The following SLC67A1 variants were observed in gnomAD, a reference collection of about 807,000 sequenced individuals.
The protein encoded by SLC67A1 is solute carrier family 67 member A1.
chr11:2,909,418 G>A, the SLC67A1 span: 43 of 1,478,266 alleles, frequency 2.9e-5, no homozygotes, highest in Middle Eastern at 2.4e-4. Flanking sequence ...CGGAGGACCC[G>A]GGACACCTCC....
At chr11:2,903,165 GGA>G in the SLC67A1 span, 1 of 1,426,706 alleles carries the variant, frequency 7.0e-7, no homozygotes, top group African/African-American at 1.4e-5. Context: ...CCAGGTAGCA[GGA>G]GAGCTCCACT....
At chr11:2,903,433 T>C in the SLC67A1 span, 1 of 1,613,152 alleles carries the variant, frequency 6.2e-7, no homozygotes, top group East Asian at 2.2e-5. Context: ...CTTGCTTACC[T>C]ACGTGCTGGC....
chr11:2,919,414 G>A, the SLC67A1 span: 28 of 1,604,826 alleles, frequency 1.7e-5, no homozygotes, highest in Admixed American at 4.0e-4. Context: ...GATGGTGAGT[G>A]GGCACACAGG....
At chr11:2,906,203 G>T in the SLC67A1 span, among the ~76,000 whole-genome samples, 1 of 152,192 alleles carries the variant, frequency 6.6e-6, no homozygotes, top group Non-Finnish European at 1.5e-5. Flanking sequence ...TGGCGATCAT[G>T]AAAAAGTCAG....
the SLC67A1 span, among the ~76,000 whole-genome samples, chr11:2,924,765 G>A: frequency 6.6e-6 from 1 of 152,272 alleles, no homozygotes; most frequent in African/African-American, 2.4e-5. This position sits in a 1 kb window ranked among gnomAD's most constrained non-coding sequence, Gnocchi z 8.6. Context: ...AGACCAGTGG[G>A]TAGAGAGAGC....
chr11:2,922,288 T>C, the SLC67A1 span: 51 of 1,510,020 alleles, frequency 3.4e-5, no homozygotes, highest in Non-Finnish European at 4.6e-5. Context: ...GCTTAAGCCC[T>C]TGGGGACTCC....
chr11:2,913,013 G>A, the SLC67A1 span, among the ~76,000 whole-genome samples: 10 of 152,190 alleles, frequency 6.6e-5, 1 homozygote, highest in South Asian at 4.1e-4. Context: ...GAGGGGAGGT[G>A]AGCAGTGTCC....
At chr11:2,909,466 G>T in the SLC67A1 span, 2 of 1,437,122 alleles carry the variant, frequency 1.4e-6, no homozygotes, top group African/African-American at 3.0e-5. Flanking sequence ...GGCCCTAAGG[G>T]CTGGACGGGG....
the SLC67A1 span, chr11:2,918,160 C>T: frequency 7.7e-7 from 1 of 1,302,120 alleles, no homozygotes; most frequent in Admixed American, 1.8e-5. Flanking sequence ...CGGCCAGGGC[C>T]CGGCCCTTCC....
At chr11:2,917,657 C>T in the SLC67A1 span, among the ~76,000 whole-genome samples, 1 of 152,246 alleles carries the variant, frequency 6.6e-6, no homozygotes, top group African/African-American at 2.4e-5. Flanking sequence ...AGCTATTGGT[C>T]CCTTGTTCAG....
At chr11:2,917,872 G>T in the SLC67A1 span, 1 of 715,940 alleles carries the variant, frequency 1.4e-6, no homozygotes. Context: ...GCCAAGGAAG[G>T]AAGCTTTACC....
the SLC67A1 span, chr11:2,902,155 G>A: frequency 6.6e-6 from 1 of 152,226 alleles, no homozygotes; most frequent in African/African-American, 2.4e-5. Flanking sequence ...CTCGGCCAGT[G>A]AGAGCGCAGA....
the SLC67A1 span, among the ~76,000 whole-genome samples, chr11:2,903,936 T>C: frequency 3.9e-5 from 6 of 152,216 alleles, no homozygotes; most frequent in Non-Finnish European, 8.8e-5. Context: ...GGGTCCTTGT[T>C]GTCCACTAAA....
chr11:2,916,885 C>G, the SLC67A1 span: 1 of 678,806 alleles, frequency 1.5e-6, no homozygotes, highest in Non-Finnish European at 2.6e-6. Flanking sequence ...TGAACCCTTC[C>G]CAGCTGCTGA....
the SLC67A1 span, chr11:2,909,731 C>A: frequency 7.5e-6 from 11 of 1,471,924 alleles, no homozygotes; most frequent in Admixed American, 2.4e-5. Flanking sequence ...GGGGCCGGGG[C>A]GGAGTCTGTG....
At chr11:2,917,012 C>CT in the SLC67A1 span, 1 of 491,580 alleles carries the variant, frequency 2.0e-6, no homozygotes, top group Admixed American at 3.7e-5. Flanking sequence ...AGGGGAGGCC[C>CT]AGACAGGGAA....
chr11:2,921,955 T>A, the SLC67A1 span: 2 of 688,480 alleles, frequency 2.9e-6, no homozygotes, highest in Non-Finnish European at 5.3e-6. Context: ...CCCCGGGGCT[T>A]GCAGATGCTG....
the SLC67A1 span, chr11:2,915,256 G>A: frequency 1.0e-6 from 1 of 984,620 alleles, no homozygotes; most frequent in Non-Finnish European, 1.2e-6. Context: ...AACGGATGCA[G>A]GTAAGTGTGT....
chr11:2,900,085 C>T, the SLC67A1 span, among the ~76,000 whole-genome samples: 3 of 151,076 alleles, frequency 2.0e-5, no homozygotes, highest in Admixed American at 6.6e-5. Context: ...ACACAGCCGG[C>T]CTTTCTGTGC....
Sources: allele counts gnomAD v4.1 joint callset (sites outside exome capture counted in the v4.1 genomes callset), GRCh38; gene constraint gnomAD v4.1.1; non-coding constraint Gnocchi (gnomAD v3.1); transcripts MANE v1.5; gene names NCBI Gene and HGNC (gene_info 2026-07-23, HGNC 2026-07-21).